Variants in ZFP1 observed in about 807,000 individuals in gnomAD.
ZFP1 encodes the protein ZFP1 zinc finger protein.
In ZFP1, 32 loss-of-function variants were observed where a neutral mutation model predicts 38.5. That is an observed-to-expected ratio of 0.83 (90% CI 0.63 to 1.12). The LOEUF (loss-of-function observed/expected upper bound fraction) is 1.12. ZFP1 is among the 50% of genes most tolerant of loss of function. The probability of loss-of-function intolerance (pLI) is 0.00; values close to 1 mark genes in which losing one functional copy is unlikely to be tolerated. For missense variants in ZFP1, 616 were observed against 480.8 expected, an observed-to-expected ratio of 1.28 and a Z score of -2.63; for synonymous variants, 245 against 168.8, an observed-to-expected ratio of 1.45 and a Z score of -3.50.
rs147008478 is a variant in ZFP1 at position 75,160,025 on chromosome 16, G to C, written c.16-6745G>C. On this transcript the variant is annotated intron_variant, in intron 2 of 3. Coordinates refer to ENST00000570010, the MANE Select transcript of ZFP1 (RefSeq NM_153688.4). ...CACTATGCAACCTCTGAAATCTCTA[G>C]TCAGCTCTCAGTCTCACAGTCGATG... 8.7e-4 allele frequency among the ~76,000 whole-genome samples: 132 copies of C among 152,228 alleles called. 1 individual carries two copies. Among genetic ancestry groups the C allele is most frequent in the South Asian group, 4.6e-3 (22 of 4,826 alleles).
At chr16:75,134,558 C>T in the ZFP1 span, among the ~76,000 whole-genome samples, 6 of 148,824 alleles carry the variant, frequency 4.0e-5, no homozygotes, top group Non-Finnish European at 5.9e-5. Flanking sequence ...AGATCGAGAC[C>T]TGGCTAACAT....
Position 75,171,539 on chromosome 16 carries a change from A to AT in ZFP1, c.*1210dup. 6.6e-6 allele frequency: 1 copy of AT among 152,252 alleles called. No homozygotes were observed. The highest frequency in any genetic ancestry group is 6.5e-5 in the Admixed American group (1 of 15,286). The allele number at this position is 152,252 out of a possible 1,614,324, so 9.4% of individuals were successfully genotyped here. ...ATGTTTACACTTTTATAAAAATCAG[A>AT]TTTTTCAGTGGTCTCTCCAGATATT... On this transcript the variant is annotated 3_prime_UTR_variant, in exon 4 of 4. Coordinates refer to ENST00000570010, the MANE Select transcript of ZFP1 (RefSeq NM_153688.4).
chr16:75,147,585 C>T (rs1045743423), upstream of ZFP1, among the ~76,000 whole-genome samples: 1 of 152,004 alleles, frequency 6.6e-6, no homozygotes, highest in Non-Finnish European at 1.5e-5. Context: ...CTGAGCCTGG[C>T]CAGGTGCTGA....
At chr16:75,163,850 G>C (rs947757968) in intron 2 of ZFP1, among the ~76,000 whole-genome samples, 49 of 152,044 alleles carry the variant, frequency 3.2e-4, no homozygotes, top group African/African-American at 1.1e-3. Flanking sequence ...AGCTCAAGCA[G>C]TCCTCCTGCG....
intron 2 of ZFP1, among the ~76,000 whole-genome samples, chr16:75,154,859 GTGA>G (rs1236796603): frequency 6.6e-6 from 1 of 152,080 alleles, no homozygotes; most frequent in East Asian, 1.9e-4. Flanking sequence ...ATGTAGTGGC[GTGA>G]TCTTGGCTCA....
chr16:75,150,325 C>T (rs2037130316), intron 1 of ZFP1, among the ~76,000 whole-genome samples: 1 of 149,978 alleles, frequency 6.7e-6, no homozygotes, highest in Non-Finnish European at 1.5e-5. Flanking sequence ...TCTCCTGCCT[C>T]AGCCTCCAGA....
At position 75,160,747 on chromosome 16, in the gene ZFP1, T is replaced by G. The variant is rs192714763; in HGVS notation, c.16-6023T>G. ...TCAAGGTGCTGGTGAAGGCCTGGTC[T>G]CTTCTTCCAGGATGGCACTTGAAAT... On this transcript the variant is annotated intron_variant, in intron 2 of 3. Transcript: ENST00000570010. 2.7e-3 allele frequency among the ~76,000 whole-genome samples: 414 copies of G among 152,168 alleles called. 1 individual carries two copies. The highest frequency in any genetic ancestry group is 9.5e-3 in the African/African-American group (393 of 41,530).
chr16:75,163,851 T>C (rs1432214668), intron 2 of ZFP1, among the ~76,000 whole-genome samples: 1 of 152,136 alleles, frequency 6.6e-6, no homozygotes, highest in African/African-American at 2.4e-5. Context: ...GCTCAAGCAG[T>C]CCTCCTGCGT....
chr16:75,161,404 G>A (rs935885593), intron 2 of ZFP1, among the ~76,000 whole-genome samples: 1 of 151,644 alleles, frequency 6.6e-6, no homozygotes, highest in Non-Finnish European at 1.5e-5. Context: ...TTGTTGTTCT[G>A]TGCCATGGTT....
In ZFP1 at chr16:75,170,307, G is replaced by C. The variant is rs2038356611; in HGVS notation, c.1197G>C (p.Gln399His). ...GGAAGTCCCGACTCAGTGTCCATCAGAGAGTTCACATCGGGGAGAAACCCT... is the reference window on the plus strand; with the variant it reads ...GGAAGTCCCGACTCAGTGTCCATCACAGAGTTCACATCGGGGAGAAACCCT... ...FSRKSRLSVHQRVHIGEKP is the reference protein window; with the variant it reads ...FSRKSRLSVHHRVHIGEKP Residue 399 changes from glutamine to histidine, a missense_variant, in exon 4 of 4, where the codon CAG becomes CAC. Physicochemically the swap from Gln to His is conservative, Grantham distance 24. Coordinates refer to ENST00000570010, the MANE Select transcript of ZFP1 (RefSeq NM_153688.4). The C allele has an allele frequency of 1.3e-6, 2 of 1,597,832 alleles. No homozygotes were observed. Among genetic ancestry groups the C allele is most frequent in the East Asian group, 2.2e-5 (1 of 44,694 alleles).
chr16:75,149,031 C>T (rs1206615825), intron 1 of ZFP1: 3 of 151,952 alleles, frequency 2.0e-5, no homozygotes, highest in Admixed American at 6.6e-5. Context: ...CACACCTGGC[C>T]ACGCCCCGAT....
the ZFP1 span, among the ~76,000 whole-genome samples, chr16:75,125,668 A>G: frequency 5.3e-5 from 8 of 152,182 alleles, no homozygotes; most frequent in Admixed American, 1.3e-4. Flanking sequence ...TAAATTGTTT[A>G]TAAAATTTTG....
At chr16:75,149,863 T>G (rs1042015150) in intron 1 of ZFP1, among the ~76,000 whole-genome samples, 1 of 152,122 alleles carries the variant, frequency 6.6e-6, no homozygotes, top group Non-Finnish European at 1.5e-5. Flanking sequence ...TGGAGTGCAG[T>G]GGCACTCAGC....
chr16:75,166,726 C>T, intron 2 of ZFP1, 44 bp from the exon 3 acceptor site: 1 of 1,613,608 alleles, frequency 6.2e-7, no homozygotes. Flanking sequence ...CTTTCTATAT[C>T]ACCAAATGAT....
At chr16:75,150,183 T>G (rs2037118527) in intron 1 of ZFP1, among the ~76,000 whole-genome samples, 1 of 150,768 alleles carries the variant, frequency 6.6e-6, no homozygotes, top group Non-Finnish European at 1.5e-5. Flanking sequence ...TTGCATAATT[T>G]CCAAGTTTTT....
At chr16:75,122,856 G>C in the ZFP1 span, among the ~76,000 whole-genome samples, 1 of 152,282 alleles carries the variant, frequency 6.6e-6, no homozygotes, top group South Asian at 2.1e-4. Flanking sequence ...AGTCACTTAG[G>C]TGCAATCTTT....
chr16:75,169,224 G>C (rs199966779), intron 3 of ZFP1, 29 bp from the exon 4 acceptor site: 195 of 1,571,576 alleles, frequency 1.2e-4, no homozygotes, highest in Non-Finnish European at 1.6e-4. Context: ...CATTGACAAG[G>C]TTCTTTTCAT....
intron 2 of ZFP1, among the ~76,000 whole-genome samples, chr16:75,155,314 T>C (rs931248859): frequency 3.3e-5 from 5 of 152,150 alleles, no homozygotes; most frequent in African/African-American, 1.2e-4. Context: ...TGTATTTTTT[T>C]GTAGAGATGG....
At position 75,169,353 on chromosome 16, in the gene ZFP1, A is replaced by C; in HGVS notation, c.243A>C (p.Glu81Asp). The change falls in exon 4 of 4, where the codon GAA becomes GAC. Residue 81 changes from glutamate (E) to aspartate (D), a missense_variant. Glu to Asp is a conservative substitution (Grantham distance 45). Coordinates refer to ENST00000570010, the MANE Select transcript of ZFP1 (RefSeq NM_153688.4). ...TTAAGAACCAAACCCCAATTGAGGA[A>C]AGAGGCGATCTCTTTGGAAAAGCAC... The part of the protein sequence containing the change: ...LILKNQTPIE[E>D]RGDLFGKALN... The C allele has an allele frequency of 6.2e-7, 1 of 1,614,196 alleles. No homozygotes were observed. The highest frequency in any genetic ancestry group is 8.5e-7 in the Non-Finnish European group (1 of 1,180,022).
Sources: gnomAD v4.1 joint callset for allele counts (sites outside exome capture counted in the v4.1 genomes callset) on GRCh38, gnomAD v4.1.1 for gene constraint, MANE v1.5 for transcripts, NCBI Gene and HGNC (gene_info 2026-07-23, HGNC 2026-07-21) for gene names.